Variants in CLSTN2 observed in about 807,000 individuals in gnomAD.
The protein encoded by CLSTN2 is calsyntenin 2, also known as calsyntenin-2.
Under a neutral mutation model 101.2 loss-of-function variants are expected in CLSTN2, and 48 were observed. The ratio of observed to expected loss-of-function variants is 0.47; its 90% CI spans 0.38 to 0.60. The LOEUF (loss-of-function observed/expected upper bound fraction) is 0.60, where lower values mean the gene tolerates loss of function less well. Among genes scored for constraint, CLSTN2 ranks in the 20% least tolerant of loss-of-function variants. The probability of loss-of-function intolerance (pLI) is 0.00; values close to 1 mark genes in which losing one functional copy is unlikely to be tolerated. For missense variants in CLSTN2, 1,160 were observed against 1,238.2 expected, an observed-to-expected ratio of 0.94 and a Z score of 0.95; for synonymous variants, 481 against 463.6, an observed-to-expected ratio of 1.04 and a Z score of -0.48.
rs187768461 is a variant in CLSTN2 at position 140,278,672 on chromosome 3, T to C, written c.232+102599T>C. On this transcript the variant is annotated intron_variant, in intron 2 of 16. Transcript: ENST00000458420. Reference sequence around the variant, plus strand: ...TGACTGGAATAAACTAAAGCAAGCTTGTGCAACTCGCACATCACAGTTACC... The same window carrying C: ...TGACTGGAATAAACTAAAGCAAGCTCGTGCAACTCGCACATCACAGTTACC... 3.9e-5 allele frequency among the ~76,000 whole-genome samples: 6 copies of C among 152,330 alleles called. No homozygotes were observed. In the East Asian group the frequency reaches 1.2e-3, roughly 29 times the overall value.
intron 1 of CLSTN2, among the ~76,000 whole-genome samples, chr3:140,120,869 G>A (rs1360884232): frequency 6.6e-6 from 1 of 152,146 alleles, no homozygotes; most frequent in African/African-American, 2.4e-5. Context: ...TGCATTGCAG[G>A]TCATTAGGCA....
intron 1 of CLSTN2, among the ~76,000 whole-genome samples, chr3:139,978,694 G>A (rs1288924619): frequency 1.1e-5 from 1 of 90,708 alleles, no homozygotes; most frequent in Non-Finnish European, 2.7e-5. Flanking sequence ...GTGTGTGTGT[G>A]TGTGTGTGTT....
chr3:140,440,537 T>C (rs1002723467), intron 5 of CLSTN2, among the ~76,000 whole-genome samples: 2 of 152,220 alleles, frequency 1.3e-5, no homozygotes, highest in East Asian at 3.8e-4. Context: ...TGTGTGCCTA[T>C]GATGTGTCAG....
intron 5 of CLSTN2, among the ~76,000 whole-genome samples, chr3:140,433,806 A>G (rs549748505): frequency 6.6e-6 from 1 of 152,326 alleles, no homozygotes; most frequent in African/African-American, 2.4e-5. Flanking sequence ...AGCAAGTAGA[A>G]GTGACTAAAG....
chr3:140,240,325 C>A (rs143455932), intron 2 of CLSTN2, among the ~76,000 whole-genome samples: 2,798 of 148,994 alleles, frequency 0.019, 94 homozygotes, highest in African/African-American at 0.065. Flanking sequence ...CACACATACA[C>A]ATACACATAC....
intron 10 of CLSTN2, 56 bp downstream of exon 10, chr3:140,546,737 T>C: frequency 2.7e-6 from 4 of 1,473,454 alleles, no homozygotes; most frequent in Middle Eastern, 5.0e-4. Flanking sequence ...ATGCCCAGCC[T>C]GCACAGCGCC....
intron 2 of CLSTN2, among the ~76,000 whole-genome samples, chr3:140,194,969 A>C (rs1157219907): frequency 6.6e-6 from 1 of 152,170 alleles, no homozygotes; most frequent in Non-Finnish European, 1.5e-5. Context: ...AGTCTATAGG[A>C]GGTTCCTCAT....
At chr3:140,263,166 T>C (rs186575880) in intron 2 of CLSTN2, among the ~76,000 whole-genome samples, 1 of 150,936 alleles carries the variant, frequency 6.6e-6, no homozygotes, top group East Asian at 2.0e-4. Context: ...AAAGAAGGGG[T>C]TATTCAGAGA....
chr3:140,564,966 G>A (rs1231535736), intron 16 of CLSTN2, among the ~76,000 whole-genome samples: 1 of 152,140 alleles, frequency 6.6e-6, no homozygotes, highest in Non-Finnish European at 1.5e-5. Flanking sequence ...TTTCCACCTC[G>A]GCTAGCCTCA....
At chr3:139,937,070 A>G (rs1286677982) in intron 1 of CLSTN2, among the ~76,000 whole-genome samples, 1 of 148,896 alleles carries the variant, frequency 6.7e-6, no homozygotes, top group Non-Finnish European at 1.5e-5. Flanking sequence ...TTCCCAATAT[A>G]GACACTTTGT....
intron 1 of CLSTN2, among the ~76,000 whole-genome samples, chr3:140,116,565 A>G (rs953431891): frequency 6.6e-6 from 1 of 152,062 alleles, no homozygotes; most frequent in African/African-American, 2.4e-5. Context: ...TTAAGGAAGC[A>G]CTCACCTGCA....
intron 2 of CLSTN2, among the ~76,000 whole-genome samples, chr3:140,233,518 C>T (rs565222926): frequency 6.6e-6 from 1 of 152,266 alleles, no homozygotes; most frequent in African/African-American, 2.4e-5. Context: ...TCTTACCTGC[C>T]ATATAGTAGT....
At chr3:140,076,337 T>G (rs761861715) in intron 1 of CLSTN2, among the ~76,000 whole-genome samples, 8 of 152,240 alleles carry the variant, frequency 5.3e-5, no homozygotes, top group Non-Finnish European at 1.0e-4. Flanking sequence ...TTTCCTCACC[T>G]GCTTTGTGCT....
At position 140,535,432 on chromosome 3, in the gene CLSTN2, GC is replaced by G. The variant is rs1211193462; in HGVS notation, c.1507+2948del. Among the ~76,000 whole-genome samples, 7 of 152,294 alleles carry G rather than the reference GC, an allele frequency of 4.6e-5. No homozygotes were observed. The East Asian group carries it at 1.4e-3, about 29-fold the overall frequency. ...GTATCTCATTACAATTTATTTAAAAGCCATTCCACAAAAATGATTTCAAATG... is the reference window on the plus strand; with the variant it reads ...GTATCTCATTACAATTTATTTAAAAGCATTCCACAAAAATGATTTCAAATG... On this transcript the variant is annotated intron_variant, in intron 9 of 16. Transcript: ENST00000458420.
intron 16 of CLSTN2, among the ~76,000 whole-genome samples, chr3:140,565,212 G>T (rs952239126): frequency 6.6e-6 from 1 of 152,190 alleles, no homozygotes; most frequent in African/African-American, 2.4e-5. Context: ...AGGAGGAAAA[G>T]CCTTCAGGAC....
At chr3:139,972,668 T>C (rs568497546) in intron 1 of CLSTN2, among the ~76,000 whole-genome samples, 3 of 152,114 alleles carry the variant, frequency 2.0e-5, no homozygotes, top group Non-Finnish European at 2.9e-5. Context: ...ACTCAGTAAA[T>C]TGTAGTCAAG....
intron 1 of CLSTN2, among the ~76,000 whole-genome samples, chr3:139,984,619 T>C (rs9866483): frequency 0.33 from 49,880 of 151,994 alleles, 10,120 homozygotes; most frequent in Non-Finnish European, 0.46. Flanking sequence ...GTCCTGATTG[T>C]CTCTCTTCTT....
At chr3:140,437,974 C>T (rs2088704996) in intron 5 of CLSTN2, among the ~76,000 whole-genome samples, 1 of 152,084 alleles carries the variant, frequency 6.6e-6, no homozygotes, top group East Asian at 1.9e-4. Context: ...TCACTGACCC[C>T]CTCAGTGGCT....
chr3:140,473,816 G>T (rs1264379005), intron 8 of CLSTN2, among the ~76,000 whole-genome samples: 2 of 151,932 alleles, frequency 1.3e-5, no homozygotes, highest in African/African-American at 4.8e-5. Context: ...GGAGTGCAGT[G>T]GTGCGATCTT....
Sources: gnomAD v4.1 joint callset for allele counts (sites outside exome capture counted in the v4.1 genomes callset) on GRCh38, gnomAD v4.1.1 for gene constraint, MANE v1.5 for transcripts, NCBI Gene and HGNC (gene_info 2026-07-23, HGNC 2026-07-21) for gene names.